SCFD2: variants seen among roughly 807,000 people sequenced by gnomAD.
SCFD2 encodes the protein sec1 family domain containing 2, also known as sec1 family domain-containing protein 2.
SCFD2 carries 54 observed loss-of-function variants against 58.9 expected under a neutral mutation model. That is an observed-to-expected ratio of 0.92 (90% CI 0.74 to 1.15). SCFD2 has a LOEUF of 1.15. Among genes scored for constraint, SCFD2 ranks in the 50% most tolerant of loss-of-function variants. The probability of loss-of-function intolerance (pLI) is 0.00; values close to 1 mark genes in which losing one functional copy is unlikely to be tolerated. For missense variants in SCFD2, 805 were observed against 836.6 expected (o/e 0.96, Z 0.47); for synonymous variants, 321 against 335.9 (o/e 0.96, Z 0.49).
At chr4:53,356,867 G>A (rs1214386062) in intron 1 of SCFD2, among the ~76,000 whole-genome samples, 2 of 151,618 alleles carry the variant, frequency 1.3e-5, no homozygotes, top group Non-Finnish European at 2.9e-5. Flanking sequence ...CTCCGGAGTA[G>A]CTGGGACTAC....
At position 52,919,551 on chromosome 4, in the gene SCFD2, A is replaced by G. The variant is rs1719686233; in HGVS notation, c.1707+1174T>C. On this transcript the variant is annotated intron_variant, in intron 6 of 8. Coordinates refer to ENST00000401642, the MANE Select transcript of SCFD2 (RefSeq NM_152540.4). ...TTTCAGATGATCATCAGCACCACCAATCAACACTTCTAGAATCTCTATGAG... is the reference window on the plus strand; with the variant it reads ...TTTCAGATGATCATCAGCACCACCAGTCAACACTTCTAGAATCTCTATGAG... Among the ~76,000 whole-genome samples the G allele has an allele frequency of 2.6e-5, 4 of 152,222 alleles. No homozygotes were observed. The South Asian group carries it at 8.3e-4, about 32-fold the overall frequency.
At chr4:53,009,904 G>A (rs1722058636) in intron 5 of SCFD2, among the ~76,000 whole-genome samples, 1 of 152,166 alleles carries the variant, frequency 6.6e-6, no homozygotes, top group African/African-American at 2.4e-5. Context: ...CTGGTTTCCT[G>A]TAGCTTTCCC....
At chr4:53,030,744 T>C (rs1722596699) in intron 5 of SCFD2, among the ~76,000 whole-genome samples, 1 of 152,156 alleles carries the variant, frequency 6.6e-6, no homozygotes, top group Non-Finnish European at 1.5e-5. Flanking sequence ...TTTATGAAGA[T>C]AAACACATAC....
At chr4:52,996,805 G>A (rs927338859) in intron 5 of SCFD2, among the ~76,000 whole-genome samples, 3 of 152,222 alleles carry the variant, frequency 2.0e-5, no homozygotes, top group Non-Finnish European at 4.4e-5. Flanking sequence ...CTCCTTGTGT[G>A]AGGAAGGAGC....
rs1434481319 is a variant in SCFD2 at position 53,071,482 on chromosome 4, T to C, written c.1561+73851A>G. 2.0e-5 allele frequency among the ~76,000 whole-genome samples: 3 copies of C among 152,132 alleles called. No homozygotes were observed. In the East Asian group the frequency reaches 5.8e-4, roughly 29 times the overall value. ...GGATAACCACTTAATGTTTGTACTT[T>C]GTAATTAACAAATTTTTCTTCACAT... On this transcript the variant is annotated intron_variant, in intron 5 of 8. Transcript: ENST00000401642.
intron 3 of SCFD2, among the ~76,000 whole-genome samples, chr4:53,293,709 C>T (rs1731922475): frequency 6.6e-6 from 1 of 152,078 alleles, no homozygotes. Context: ...TCCCTAAAAT[C>T]TGGTATATGG....
intron 4 of SCFD2, among the ~76,000 whole-genome samples, chr4:53,237,993 C>A (rs1274989628): frequency 1.5e-5 from 2 of 130,274 alleles, no homozygotes; most frequent in East Asian, 2.6e-4. Flanking sequence ...GGCGGCTGGC[C>A]GGGCAGGGGG....
intron 7 of SCFD2, among the ~76,000 whole-genome samples, chr4:52,893,291 A>G (rs536266934): frequency 6.6e-6 from 1 of 151,112 alleles, no homozygotes; most frequent in Admixed American, 6.6e-5. Flanking sequence ...AGCTAGTTTC[A>G]AACTCCTGGG....
At chr4:52,902,074 G>T (rs1012100703) in intron 7 of SCFD2, among the ~76,000 whole-genome samples, 8 of 152,250 alleles carry the variant, frequency 5.3e-5, no homozygotes, top group African/African-American at 1.9e-4. Context: ...CACAGCTCTT[G>T]CTCATTCCCC....
At chr4:52,879,126 G>C (rs1177403254) in intron 8 of SCFD2, among the ~76,000 whole-genome samples, 3 of 152,084 alleles carry the variant, frequency 2.0e-5, no homozygotes, top group Non-Finnish European at 2.9e-5. Context: ...ACTTTCACCT[G>C]CTAATAGCCA....
At chr4:53,045,477 C>T (rs1330849313) in intron 5 of SCFD2, among the ~76,000 whole-genome samples, 1 of 151,926 alleles carries the variant, frequency 6.6e-6, no homozygotes, top group Non-Finnish European at 1.5e-5. Flanking sequence ...GGTTTGAATA[C>T]TACTATATAT....
intron 2 of SCFD2, among the ~76,000 whole-genome samples, chr4:53,345,789 C>T (rs1734038522): frequency 6.6e-6 from 1 of 152,134 alleles, no homozygotes; most frequent in Non-Finnish European, 1.5e-5. Flanking sequence ...GAGTTCATGT[C>T]CTTTTCAGGG....
intron 5 of SCFD2, among the ~76,000 whole-genome samples, chr4:52,978,147 G>A (rs1350177948): frequency 6.6e-6 from 1 of 152,214 alleles, no homozygotes; most frequent in African/African-American, 2.4e-5. Flanking sequence ...AAGGAGAATT[G>A]TGGAGAGGGC....
chr4:52,921,695 C>T (rs1046964619), intron 5 of SCFD2, among the ~76,000 whole-genome samples: 4 of 152,094 alleles, frequency 2.6e-5, no homozygotes, highest in African/African-American at 9.7e-5. Context: ...TGCCCATACC[C>T]ACTCGGTCAC....
intron 8 of SCFD2, among the ~76,000 whole-genome samples, chr4:52,881,451 C>T (rs928519964): frequency 6.6e-6 from 1 of 152,196 alleles, no homozygotes; most frequent in African/African-American, 2.4e-5. Context: ...TCAGTTACTA[C>T]CCAGTAGAAT....
chr4:53,255,229 T>TTTATTTATTTA (rs1446629184), intron 4 of SCFD2, among the ~76,000 whole-genome samples: 3 of 53,184 alleles, frequency 5.6e-5, no homozygotes, highest in African/African-American at 1.9e-4. Flanking sequence ...TTATTTATTT[T>TTTATTTATTTA]TTATGGATCA....
chr4:53,271,452 T>TTTATTTAA lies in SCFD2; in HGVS notation c.1311+2373_1311+2374insTTAAATAA, dbSNP rs1418191746. ...ATACATCACTTTATTTATTTATTTA[T>TTTATTTAA]TTATTTATTTATTTATTTATTTATT... On this transcript the variant is annotated intron_variant, in intron 4 of 8. Transcript: ENST00000401642. Among the ~76,000 whole-genome samples the TTTATTTAA allele has an allele frequency of 4.7e-5, 7 of 149,168 alleles. No homozygotes were observed. In the East Asian group the frequency reaches 1.4e-3, roughly 29 times the overall value.
At chr4:53,061,235 C>A (rs1674792574) in intron 5 of SCFD2, among the ~76,000 whole-genome samples, 1 of 152,102 alleles carries the variant, frequency 6.6e-6, no homozygotes, top group South Asian at 2.1e-4. Flanking sequence ...TTTGGCATGG[C>A]AAATACTAAT....
chr4:53,074,837 GA>G (rs977488793), intron 5 of SCFD2, among the ~76,000 whole-genome samples: 1 of 152,182 alleles, frequency 6.6e-6, no homozygotes, highest in Non-Finnish European at 1.5e-5. Context: ...AACACAGGCA[GA>G]AAAGATTTAG....
Sources: allele counts gnomAD v4.1 joint callset (sites outside exome capture counted in the v4.1 genomes callset), GRCh38; gene constraint gnomAD v4.1.1; transcripts MANE v1.5; gene names NCBI Gene and HGNC (gene_info 2026-07-23, HGNC 2026-07-21).